Variants in SLC6A4 observed in about 807,000 individuals in gnomAD.
SLC6A4 encodes sodium-dependent serotonin transporter.
SLC6A4 carries 22 observed loss-of-function variants against 73.4 expected under a neutral mutation model. The ratio of observed to expected loss-of-function variants is 0.30; its 90% confidence interval spans 0.21 to 0.43. SLC6A4 has a LOEUF of 0.43. Among genes scored for constraint, SLC6A4 ranks in the 20% least tolerant of loss-of-function variants. The pLI, the probability that SLC6A4 is intolerant of heterozygous loss-of-function variation, is 1.00. For synonymous variants in SLC6A4, 270 were observed against 315.5 expected (o/e 0.86, Z 1.53); for missense variants, 593 against 808.5 (o/e 0.73, Z 3.23).
chr17:30,204,948 G>A (rs954915590), intron 13 of SLC6A4, among the ~76,000 whole-genome samples: 8 of 152,196 alleles, frequency 5.3e-5, no homozygotes, highest in East Asian at 1.9e-4. Context: ...TGACAGAAAC[G>A]AACAGCCCCA....
intron 5 of SLC6A4, 47 bp from the exon 6 acceptor site, chr17:30,217,351 A>T: frequency 6.3e-7 from 1 of 1,584,500 alleles, no homozygotes; most frequent in Non-Finnish European, 8.6e-7. Context: ...CTGTAGAGTG[A>T]CCTGGGCACA....
At chr17:30,209,709 G>C (rs1485870974) in intron 11 of SLC6A4, among the ~76,000 whole-genome samples, 1 of 151,652 alleles carries the variant, frequency 6.6e-6, no homozygotes, top group Non-Finnish European at 1.5e-5. Flanking sequence ...GTGGCAGTGT[G>C]GGCAGGTTTT....
chr17:30,225,036 C>A (rs1906887288), intron 1 of SLC6A4, among the ~76,000 whole-genome samples: 1 of 152,118 alleles, frequency 6.6e-6, no homozygotes. Flanking sequence ...CATCAACAGG[C>A]TGAAATGGCC....
At chr17:30,224,372 C>T (rs1451557617) in intron 1 of SLC6A4, among the ~76,000 whole-genome samples, 1 of 152,180 alleles carries the variant, frequency 6.6e-6, no homozygotes, top group Non-Finnish European at 1.5e-5. Flanking sequence ...CGTGCTCCAC[C>T]ATGCCCGGCT....
intron 6 of SLC6A4, among the ~76,000 whole-genome samples, 156 bp downstream of exon 6, chr17:30,217,010 A>G (rs1413478939): frequency 6.6e-6 from 1 of 152,050 alleles, no homozygotes; most frequent in Non-Finnish European, 1.5e-5. Flanking sequence ...CACTTCTAGA[A>G]TTTTCTAACA....
intron 1 of SLC6A4, among the ~76,000 whole-genome samples, chr17:30,229,394 TA>T (rs918701235): frequency 5.3e-5 from 8 of 152,118 alleles, no homozygotes; most frequent in Non-Finnish European, 8.8e-5. Flanking sequence ...CACGACGGCT[TA>T]GGGGTGGGGA....
rs1295198544 is a variant in SLC6A4, at chr17:30,222,933, C to T, written c.-220-18G>A. The T allele has an allele frequency of 7.7e-6, 7 of 904,644 alleles. No homozygotes were observed. The Admixed American group carries it at 1.4e-4, about 18-fold the overall frequency. The allele number at this position is 904,644 out of a possible 1,614,324, so 56.0% of individuals were successfully genotyped here. ...CAGGAGACCTAGGGAGAAGAGTGTG[C>T]AGGTTACTGATGCTGGGGTGGTTGG... On this transcript the variant is annotated intron_variant, in intron 1 of 14. Transcript: ENST00000650711.
chr17:30,209,094 C>T, intron 12 of SLC6A4, 49 bp downstream of exon 12: 1 of 1,322,554 alleles, frequency 7.6e-7, no homozygotes, highest in Non-Finnish European at 1.1e-6. Flanking sequence ...TGCTACTGTG[C>T]TGGCTGATGG....
rs1263842482 is a variant in SLC6A4 at position 30,222,850 on chromosome 17, C to G, written c.-155G>C. The stretch of plus-strand genomic sequence containing the variant: ...TTCTTCTTTCCACTTGCCAGCAACT[C>G]CTGTGGCTAAGCCCCTTGTTATTCT... On this transcript the variant is annotated 5_prime_UTR_variant, in exon 2 of 15. Transcript: ENST00000650711. 8 of 1,304,476 alleles carry G rather than the reference C, an allele frequency of 6.1e-6. No individual in the cohort carries two copies. In the East Asian group the frequency reaches 2.2e-4, roughly 36 times the overall value. The allele number at this position is 1,304,476 out of a possible 1,614,324, so 80.8% of individuals were successfully genotyped here.
intron 8 of SLC6A4, 30 bp downstream of exon 8, chr17:30,215,581 A>G: frequency 6.4e-7 from 1 of 1,566,664 alleles, no homozygotes; most frequent in Non-Finnish European, 8.8e-7. Context: ...CGCCACTTTC[A>G]AGCTTTGCTT....
intron 13 of SLC6A4, among the ~76,000 whole-genome samples, chr17:30,207,531 G>A (rs1040852004): frequency 6.6e-6 from 1 of 152,032 alleles, no homozygotes; most frequent in Non-Finnish European, 1.5e-5. Flanking sequence ...GGGATTACAG[G>A]TGCCCATCAC....
At chr17:30,222,657 C>T (rs57335579) in intron 2 of SLC6A4, among the ~76,000 whole-genome samples, 162 bp downstream of exon 2, 184 of 152,374 alleles carry the variant, frequency 1.2e-3, no homozygotes, top group Non-Finnish European at 2.2e-3. Flanking sequence ...GGCACCCCAG[C>T]TCATCAGCTA....
intron 1 of SLC6A4, among the ~76,000 whole-genome samples, chr17:30,224,618 G>A (rs534578196): frequency 6.6e-6 from 1 of 152,268 alleles, no homozygotes; most frequent in South Asian, 2.1e-4. Context: ...GCGTTCCCTG[G>A]CCTCTCTACC....
chr17:30,210,831 A>C (rs144908901), intron 10 of SLC6A4, among the ~76,000 whole-genome samples, 185 bp from the exon 11 acceptor site: 65 of 152,302 alleles, frequency 4.3e-4, no homozygotes, highest in African/African-American at 1.5e-3. Context: ...ACTGTCATTT[A>C]AAGCCCATCA....
chr17:30,207,894 G>T, intron 12 of SLC6A4, 62 bp from the exon 13 acceptor site: 2 of 1,226,738 alleles, frequency 1.6e-6, no homozygotes, highest in Non-Finnish European at 1.2e-6. Flanking sequence ...GTGCTGCTGT[G>T]CCCTGATTCT....
Position 30,198,317 on chromosome 17 carries a change from A to C in SLC6A4, c.*139T>G. 1.7e-6 allele frequency: 1 copy of C among 582,322 alleles called. No individual in the cohort carries two copies. The highest frequency in any genetic ancestry group is 3.1e-6 in the Non-Finnish European group (1 of 322,898). 36.1% of individuals were successfully genotyped at this position (582,322 alleles called of 1,614,324 possible). On this transcript the variant is annotated 3_prime_UTR_variant, in exon 15 of 15. Coordinates refer to ENST00000650711, the MANE Select transcript of SLC6A4 (RefSeq NM_001045.6). ...TGGAGGCCTTGAGTCTGGGCACCAGACTGTGTCCCTGTGGAGAAGGCCCTT... is the reference window on the plus strand; with the variant it reads ...TGGAGGCCTTGAGTCTGGGCACCAGCCTGTGTCCCTGTGGAGAAGGCCCTT...
chr17:30,227,007 G>T (rs558377245), intron 1 of SLC6A4, among the ~76,000 whole-genome samples: 1 of 152,340 alleles, frequency 6.6e-6, no homozygotes, highest in South Asian at 2.1e-4. Context: ...GGAGAGGCTG[G>T]TGCTGCCACA....
In SLC6A4 at chr17:30,218,322, A is replaced by G. The variant is rs778107856; in HGVS notation, c.494T>C (p.Ile165Thr). 1.9e-6 allele frequency: 3 copies of G among 1,613,846 alleles called. No individual in the cohort carries two copies. The Admixed American group carries it at 5.0e-5, about 27-fold the overall frequency. The part of the protein sequence containing the change: ...CPIFKGIGYA[I>T]CIIAFYIASY... ...AGCAATGTAAAAGGCAATGATGCAG[A>G]TGGCATAACCAATCCCTGGGCAGTG... Residue 165 changes from isoleucine to threonine, a missense_variant, in exon 5 of 15, where the codon ATC becomes ACC. Coordinates refer to ENST00000650711, the MANE Select transcript of SLC6A4 (RefSeq NM_001045.6).
chr17:30,206,018 AG>A (rs1467185936), intron 13 of SLC6A4: 3 of 152,170 alleles, frequency 2.0e-5, no homozygotes, highest in Non-Finnish European at 2.9e-5. Flanking sequence ...CATGTTGCCC[AG>A]GCTGGTCTTG....
Sources: gnomAD v4.1 joint callset for allele counts (sites outside exome capture counted in the v4.1 genomes callset) on GRCh38, gnomAD v4.1.1 for gene constraint, MANE v1.5 for transcripts, NCBI Gene and HGNC (gene_info 2026-07-23, HGNC 2026-07-21) for gene names.